The following BTBD7 variants were observed in gnomAD, a reference collection of about 807,000 sequenced individuals.
BTBD7 encodes the protein BTB/POZ domain-containing protein 7.
Under a neutral mutation model 99.9 loss-of-function variants are expected in BTBD7, and 38 were observed. That is an observed-to-expected ratio of 0.38 (90% CI 0.29 to 0.50). BTBD7 has a LOEUF of 0.50. Ranked by LOEUF, BTBD7 falls within the 20% of genes least tolerant of loss-of-function variation. BTBD7 has a pLI of 0.93. For missense variants in BTBD7, 1,170 were observed against 1,394.6 expected, an observed-to-expected ratio of 0.84 and a Z score of 2.57; for synonymous variants, 520 against 511.4, an observed-to-expected ratio of 1.02 and a Z score of -0.23.
intron 9 of BTBD7, among the ~76,000 whole-genome samples, chr14:93,248,149 A>G (rs185486009): frequency 6.6e-6 from 1 of 152,348 alleles, no homozygotes; most frequent in Non-Finnish European, 1.5e-5. Flanking sequence ...GCTGTACAAT[A>G]GCACTCTGGA....
intron 3 of BTBD7, among the ~76,000 whole-genome samples, chr14:93,272,704 G>A (rs1337513166): frequency 6.6e-6 from 1 of 152,114 alleles, no homozygotes; most frequent in African/African-American, 2.4e-5. Context: ...CAGGAATTCC[G>A]GATCCAAAGC....
intron 6 of BTBD7, among the ~76,000 whole-genome samples, chr14:93,255,225 A>G (rs1378959782): frequency 2.0e-5 from 3 of 152,154 alleles, no homozygotes. Context: ...GGCTCACTGC[A>G]ACCTCTGCCT....
intron 1 of BTBD7, among the ~76,000 whole-genome samples, chr14:93,315,636 T>C (rs890221766): frequency 6.6e-6 from 1 of 152,240 alleles, no homozygotes; most frequent in East Asian, 1.9e-4. Context: ...GGACATTTTA[T>C]ATAAATGGGA....
chr14:93,259,071 C>T (rs1172391467), intron 5 of BTBD7, among the ~76,000 whole-genome samples: 1 of 152,176 alleles, frequency 6.6e-6, no homozygotes, highest in Non-Finnish European at 1.5e-5. Flanking sequence ...TCAACACAAA[C>T]AATGAATCAG....
In BTBD7 at chr14:93,332,806, CAAG is replaced by C. The variant is rs1478740177; in HGVS notation, c.-107+11_-107+13del. The C allele has an allele frequency of 6.8e-7, 1 of 1,476,874 alleles. No homozygotes were observed. Among genetic ancestry groups the C allele is most frequent in the Non-Finnish European group, 8.9e-7 (1 of 1,120,300 alleles). 91.5% of individuals were successfully genotyped at this position (1,476,874 alleles called of 1,614,324 possible). A position where few individuals can be genotyped will look rare whatever the true frequency, so the allele number is the denominator to read the frequency against. On this transcript the variant is annotated intron_variant, in intron 1 of 10. Transcript: ENST00000334746. ...CTCGGCTCCACAGCCTCAGAGACACCAAGGGACACTCACCCCGGAGGCTCCTCC... is the reference window on the plus strand; with the variant it reads ...CTCGGCTCCACAGCCTCAGAGACACCGGACACTCACCCCGGAGGCTCCTCC...
chr14:93,257,018 G>A (rs548220721), intron 6 of BTBD7, 177 bp downstream of exon 6: 2 of 614,006 alleles, frequency 3.3e-6, no homozygotes, highest in African/African-American at 3.7e-5. Flanking sequence ...CATTTTAACT[G>A]TATTATGTGG....
intron 5 of BTBD7, among the ~76,000 whole-genome samples, chr14:93,261,232 ATTG>A (rs2052486507): frequency 6.6e-6 from 1 of 152,342 alleles, no homozygotes; most frequent in South Asian, 2.1e-4. Flanking sequence ...CTATACTTGT[ATTG>A]TTGTGCAACC....
At chr14:93,328,789 G>A (rs1175213450) in intron 1 of BTBD7, among the ~76,000 whole-genome samples, 3 of 151,950 alleles carry the variant, frequency 2.0e-5, no homozygotes, top group East Asian at 1.9e-4. Context: ...GTGGATGTAC[G>A]CACCTGTAGT....
chr14:93,274,503 G>A (rs183472974), intron 3 of BTBD7, among the ~76,000 whole-genome samples: 5 of 152,186 alleles, frequency 3.3e-5, no homozygotes, highest in African/African-American at 1.2e-4. Context: ...ATGGAAGGTG[G>A]TAGGTAAATG....
At chr14:93,320,683 GA>G in intron 1 of BTBD7, among the ~76,000 whole-genome samples, 1 of 152,072 alleles carries the variant, frequency 6.6e-6, no homozygotes, top group East Asian at 1.9e-4. Context: ...ACAAACACAT[GA>G]ACACAATGTG....
Position 93,239,450 on chromosome 14 carries a change from C to CTTT in BTBD7, c.*2820_*2822dup, listed in dbSNP as rs562052567. On this transcript the variant is annotated 3_prime_UTR_variant, in exon 11 of 11. Coordinates refer to ENST00000334746, the MANE Select transcript of BTBD7 (RefSeq NM_001002860.4). The stretch of plus-strand genomic sequence containing the variant: ...AAATTTTATTTTATATATATATATG[C>CTTT]TTTTTTTTTTTTTCTGAGAGCAACC... 4 of 142,092 alleles carry CTTT rather than the reference C, an allele frequency of 2.8e-5. No homozygotes were observed. Among genetic ancestry groups the CTTT allele is most frequent in the African/African-American group, 1.0e-4 (4 of 38,812 alleles). 8.8% of individuals were successfully genotyped at this position (142,092 alleles called of 1,614,324 possible). A position where few individuals can be genotyped will look rare whatever the true frequency, so the allele number is the denominator to read the frequency against.
intron 10 of BTBD7, among the ~76,000 whole-genome samples, chr14:93,245,600 C>T (rs2052294743): frequency 6.6e-6 from 1 of 152,168 alleles, no homozygotes; most frequent in African/African-American, 2.4e-5. Flanking sequence ...TAAGAAGATA[C>T]TCAACTCCTC....
At chr14:93,264,330 G>C (rs1386720773) in intron 3 of BTBD7, among the ~76,000 whole-genome samples, 2 of 152,220 alleles carry the variant, frequency 1.3e-5, no homozygotes, top group Non-Finnish European at 2.9e-5. Flanking sequence ...AGGCAAAAAG[G>C]CTGCAGTGGT....
chr14:93,280,387 A>C (rs560125688), intron 3 of BTBD7, among the ~76,000 whole-genome samples: 1 of 152,358 alleles, frequency 6.6e-6, no homozygotes, highest in South Asian at 2.1e-4. Flanking sequence ...AACCTAATAT[A>C]AAAACCAAAC....
intron 1 of BTBD7, among the ~76,000 whole-genome samples, chr14:93,304,003 C>T (rs564114235): frequency 7.9e-5 from 12 of 152,268 alleles, no homozygotes; most frequent in Admixed American, 6.5e-5. Context: ...AGCTAGAATC[C>T]CCCAAAACTG....
intron 1 of BTBD7, among the ~76,000 whole-genome samples, chr14:93,330,214 TCTC>T (rs2053386397): frequency 6.6e-6 from 1 of 152,114 alleles, no homozygotes; most frequent in Admixed American, 6.6e-5. Context: ...AAAGTAGAAA[TCTC>T]CTCAATTCAG....
intron 1 of BTBD7, among the ~76,000 whole-genome samples, chr14:93,302,196 G>T (rs2053012858): frequency 6.6e-6 from 1 of 152,156 alleles, no homozygotes; most frequent in Non-Finnish European, 1.5e-5. Flanking sequence ...CCAGTTTCTG[G>T]AGTTCTTTAA....
chr14:93,276,891 AATTTTTTT>A (rs1307288306), intron 3 of BTBD7, among the ~76,000 whole-genome samples: 4 of 125,214 alleles, frequency 3.2e-5, no homozygotes, highest in Non-Finnish European at 6.4e-5. Context: ...CACACAGATT[AATTTTTTT>A]TTTTTTTTTT....
Position 93,238,455 on chromosome 14 carries a change from A to T in BTBD7, c.*3818T>A, listed in dbSNP as rs1434019570. The T allele has an allele frequency of 2.6e-5, 4 of 152,668 alleles. No individual in the cohort carries two copies. The highest frequency in any genetic ancestry group is 5.9e-5 in the Non-Finnish European group (4 of 68,048). The allele number at this position is 152,668 out of a possible 1,614,324, so 9.5% of individuals were successfully genotyped here. A position where few individuals can be genotyped will look rare whatever the true frequency, so the allele number is the denominator to read the frequency against. Reference sequence around the variant, plus strand: ...GAGGTTTGAAAGTAAATCACTTAGTAGACAAAGTAAACCACCACAGAACCA... The same window carrying T: ...GAGGTTTGAAAGTAAATCACTTAGTTGACAAAGTAAACCACCACAGAACCA... On this transcript the variant is annotated 3_prime_UTR_variant, in exon 11 of 11. Transcript: ENST00000334746.
Sources: gnomAD v4.1 joint callset for allele counts (sites outside exome capture counted in the v4.1 genomes callset) on GRCh38, gnomAD v4.1.1 for gene constraint, MANE v1.5 for transcripts, NCBI Gene and HGNC (gene_info 2026-07-23, HGNC 2026-07-21) for gene names.